The following RAB5C variants were observed in gnomAD, a reference collection of about 807,000 sequenced individuals.
RAB5C encodes the protein RAB5C, member RAS oncogene family, also known as ras-related protein Rab-5C.
A neutral mutation model predicts 25.2 loss-of-function variants in RAB5C; 4 were observed. That is an observed-to-expected ratio of 0.16 (90% CI 0.08 to 0.36). The LOEUF (loss-of-function observed/expected upper bound fraction) is 0.36, where lower values mean the gene tolerates loss of function less well. Ranked by LOEUF, RAB5C falls within the 10% of genes least tolerant of loss-of-function variation. The pLI, the probability that RAB5C is intolerant of heterozygous loss-of-function variation, is 1.00. For synonymous variants in RAB5C, 100 were observed against 106.4 expected, an observed-to-expected ratio of 0.94 and a Z score of 0.37; for missense variants, 199 against 283.8, an observed-to-expected ratio of 0.70 and a Z score of 2.15.
chr17:42,140,515 ATTTTTTTTTTTTTTT>A (rs10553272), intron 1 of RAB5C, among the ~76,000 whole-genome samples: 29 of 26,642 alleles, frequency 1.1e-3, no homozygotes, highest in African/African-American at 4.3e-3. Flanking sequence ...ATATATATAT[ATTTTTTTTTTTTTTT>A]TTTTTTTTTT....
At chr17:42,134,538 T>C (rs371576649) in intron 1 of RAB5C, among the ~76,000 whole-genome samples, 22 of 152,268 alleles carry the variant, frequency 1.4e-4, no homozygotes, top group African/African-American at 4.3e-4. Flanking sequence ...GATCGCGCCA[T>C]TGCACTCCAG....
At position 42,125,815 on chromosome 17, in the gene RAB5C, G is replaced by A. The variant is rs782112616; in HGVS notation, c.619C>T (p.Pro207Ser). 2.5e-6 allele frequency: 4 copies of A among 1,609,908 alleles called. No homozygotes were observed. The East Asian group carries it at 8.9e-5, about 36-fold the overall frequency. ...CTGCAGCACTGGCTCCGGCTGGCTG[G>A]GTTGTTCTCCTGGAGGTCCACACCT... ...NRGVDLQENN[P>S]ASRSQCCSN The change falls in exon 6 of 6, where the codon CCA becomes TCA. Residue 207 changes from proline to serine, a missense_variant. Transcript: ENST00000346213.
At chr17:42,146,877 G>A (rs1005260771) in intron 1 of RAB5C, among the ~76,000 whole-genome samples, 3 of 150,006 alleles carry the variant, frequency 2.0e-5, no homozygotes, top group Non-Finnish European at 3.0e-5. Flanking sequence ...GTGGTGGCAG[G>A]AGCCTGTAGT....
At chr17:42,140,515 ATTTTTTTTTTT>A (rs10553272) in intron 1 of RAB5C, among the ~76,000 whole-genome samples, 53 of 26,612 alleles carry the variant, frequency 2.0e-3, no homozygotes, top group African/African-American at 7.8e-3. Flanking sequence ...ATATATATAT[ATTTTTTTTTTT>A]TTTTTTTTTT....
At chr17:42,152,798 G>A (rs577686293) in intron 1 of RAB5C, among the ~76,000 whole-genome samples, 8 of 150,516 alleles carry the variant, frequency 5.3e-5, no homozygotes, top group South Asian at 2.1e-4. Flanking sequence ...AAAAAAAGTC[G>A]TTTCAGAGTC....
intron 1 of RAB5C, among the ~76,000 whole-genome samples, chr17:42,142,926 A>G (rs542535759): frequency 1.6e-4 from 24 of 152,256 alleles, no homozygotes; most frequent in Non-Finnish European, 3.2e-4. Context: ...CCCAGAGTCC[A>G]GGAAGGTTTA....
At chr17:42,135,967 A>G (rs979881538) in intron 1 of RAB5C, among the ~76,000 whole-genome samples, 2 of 152,128 alleles carry the variant, frequency 1.3e-5, no homozygotes, top group African/African-American at 4.8e-5. Flanking sequence ...GTGGCCTGAG[A>G]ACCAAGTGAC....
In RAB5C at chr17:42,128,318, G is replaced by A. The variant is rs753552779; in HGVS notation, c.384C>T (p.Val128=). Residue 128 remains valine, a synonymous_variant, in exon 4 of 6, where the codon GTC becomes GTT. Coordinates refer to ENST00000346213, the MANE Select transcript of RAB5C (RefSeq NM_004583.4). ...ELQRQASPNI[V]IALAGNKADL... ...CTGCCTTGTTACCCGCGAGTGCAAT[G>A]ACGATGTTGGGGCTGGCCTGCCTCT... The A allele has an allele frequency of 6.2e-7, 1 of 1,614,036 alleles. No homozygotes were observed. Among genetic ancestry groups the A allele is most frequent in the East Asian group, 2.2e-5 (1 of 44,896 alleles).
chr17:42,147,072 AAAAGAAAG>A (rs976863509), intron 1 of RAB5C, among the ~76,000 whole-genome samples: 101 of 150,280 alleles, frequency 6.7e-4, no homozygotes, highest in East Asian at 2.9e-3. Flanking sequence ...GAAAGAAAGA[AAAAGAAAG>A]AAAGAAAGAA....
In RAB5C at chr17:42,125,464, T is replaced by TG; in HGVS notation, c.*318dup. Reference sequence around the variant, plus strand: ...CCCCACTGTCCCCATATACAAGGGTTGGGGGGCAAGAGCATGTGGCTACTC... The same window carrying TG: ...CCCCACTGTCCCCATATACAAGGGTTGGGGGGGCAAGAGCATGTGGCTACTC... On this transcript the variant is annotated 3_prime_UTR_variant, in exon 6 of 6. Coordinates refer to ENST00000346213, the MANE Select transcript of RAB5C (RefSeq NM_004583.4). The TG allele has an allele frequency of 3.5e-6, 1 of 288,290 alleles. No individual in the cohort carries two copies. Among genetic ancestry groups the TG allele is most frequent in the Non-Finnish European group, 6.6e-6 (1 of 150,508 alleles). The allele number at this position is 288,290 out of a possible 1,614,324, so 17.9% of individuals were successfully genotyped here.
At chr17:42,135,746 G>A (rs953113240) in intron 1 of RAB5C, among the ~76,000 whole-genome samples, 3 of 152,100 alleles carry the variant, frequency 2.0e-5, no homozygotes, top group Non-Finnish European at 4.4e-5. Context: ...TCTAATCCAC[G>A]AAGTCACCCA....
chr17:42,151,921 GC>G (rs1239321965), intron 1 of RAB5C, among the ~76,000 whole-genome samples: 2 of 152,142 alleles, frequency 1.3e-5, no homozygotes, highest in African/African-American at 4.8e-5. Flanking sequence ...CTGCCCTTGT[GC>G]CGTGGCGCAC....
At chr17:42,138,132 G>A (rs1369504572) in intron 1 of RAB5C, among the ~76,000 whole-genome samples, 2 of 152,154 alleles carry the variant, frequency 1.3e-5, no homozygotes, top group South Asian at 2.1e-4. Context: ...TTTCGATGGG[G>A]AGAAAGAGGT....
chr17:42,131,695 C>CCCCAACAGCTGGTGTTCCAGT (rs2054488117), intron 1 of RAB5C: 1 of 1,280,764 alleles, frequency 7.8e-7, no homozygotes, highest in Admixed American at 2.0e-5. Flanking sequence ...AGTCCTGCAT[C>CCCCAACAGCTGGTGTTCCAGT]CCCAACAGCT....
chr17:42,136,762 T>C (rs911453695), intron 1 of RAB5C, among the ~76,000 whole-genome samples: 1 of 151,356 alleles, frequency 6.6e-6, no homozygotes, highest in Non-Finnish European at 1.5e-5. Flanking sequence ...AGAAAAAAAA[T>C]GAAGGTGAGG....
chr17:42,142,425 A>AG, intron 1 of RAB5C, among the ~76,000 whole-genome samples: 1 of 152,342 alleles, frequency 6.6e-6, no homozygotes, highest in Admixed American at 6.5e-5. Context: ...TGAGAGGGCT[A>AG]GGGGACAGGA....
At chr17:42,146,729 A>C (rs1274240301) in intron 1 of RAB5C, among the ~76,000 whole-genome samples, 1 of 151,770 alleles carries the variant, frequency 6.6e-6, no homozygotes, top group Non-Finnish European at 1.5e-5. Context: ...AGCCTGGGAA[A>C]CAGAGCAAGA....
At chr17:42,140,515 ATTTTTT>A (rs10553272) in intron 1 of RAB5C, among the ~76,000 whole-genome samples, 34 of 26,588 alleles carry the variant, frequency 1.3e-3, no homozygotes, top group African/African-American at 4.8e-3. Context: ...ATATATATAT[ATTTTTT>A]TTTTTTTTTT....
At chr17:42,130,151 C>CT (rs1210251881) in intron 2 of RAB5C, 186 bp downstream of exon 2, 19 of 732,196 alleles carry the variant, frequency 2.6e-5, no homozygotes, top group Non-Finnish European at 3.8e-5. Flanking sequence ...ACTAGCGATG[C>CT]TTGAGGGGAC....
Sources: gnomAD v4.1 joint callset for allele counts (sites outside exome capture counted in the v4.1 genomes callset) on GRCh38, gnomAD v4.1.1 for gene constraint, MANE v1.5 for transcripts, NCBI Gene and HGNC (gene_info 2026-07-23, HGNC 2026-07-21) for gene names.